Variants in DHRS4 observed in about 807,000 individuals in gnomAD.
DHRS4 encodes dehydrogenase/reductase SDR family member 4.
DHRS4 carries 20 observed loss-of-function variants against 28.4 expected under a neutral mutation model. That is an observed-to-expected ratio of 0.71 (90% CI 0.50 to 1.02). DHRS4 has a LOEUF of 1.02. DHRS4 is among the 50% of genes least tolerant of loss of function. The pLI, the probability that DHRS4 is intolerant of heterozygous loss-of-function variation, is 0.00. For missense variants in DHRS4, 378 were observed against 367.2 expected (o/e 1.03, Z -0.24); for synonymous variants, 144 against 146.4 (o/e 0.98, Z 0.12).
chr14:23,963,143 G>A (rs186405240), intron 3 of DHRS4, among the ~76,000 whole-genome samples: 9 of 108,290 alleles, frequency 8.3e-5, no homozygotes, highest in South Asian at 5.8e-4. Context: ...TAGATTTAGC[G>A]TAAATCTGAG....
intron 6 of DHRS4, among the ~76,000 whole-genome samples, 154 bp from the exon 7 acceptor site, chr14:23,967,057 A>G (rs917970848): frequency 6.6e-6 from 1 of 152,110 alleles, no homozygotes. Context: ...CGGGAGGCTG[A>G]GGCAGGAGAA....
At chr14:23,955,800 T>C (rs2033113093) in intron 2 of DHRS4, among the ~76,000 whole-genome samples, 1 of 152,228 alleles carries the variant, frequency 6.6e-6, no homozygotes, top group South Asian at 2.1e-4. Flanking sequence ...GCCTGTGGAC[T>C]ACCGGGTACT....
Position 23,960,020 on chromosome 14 carries a change from G to T in DHRS4, c.408+17G>T, listed in dbSNP as rs1566472524. ...TGGGACAAGGTGAGAGGGGATTAAAGCAGGGGGGCCGGGGGGGGCGCCTTG... is the reference window on the plus strand; with the variant it reads ...TGGGACAAGGTGAGAGGGGATTAAATCAGGGGGGCCGGGGGGGGCGCCTTG... On this transcript the variant is annotated intron_variant, in intron 3 of 7. Transcript: ENST00000313250. 6.3e-7 allele frequency: 1 copy of T among 1,593,378 alleles called. No homozygotes were observed. Among genetic ancestry groups the T allele is most frequent in the Non-Finnish European group, 8.5e-7 (1 of 1,172,584 alleles).
chr14:23,966,443 A>C (rs1405348487), intron 6 of DHRS4, 26 bp downstream of exon 6: 1 of 1,612,890 alleles, frequency 6.2e-7, no homozygotes, highest in Non-Finnish European at 8.5e-7. Flanking sequence ...TTTGCATTTG[A>C]CTGGGACCCC....
In DHRS4 at chr14:23,960,245, A is replaced by G. The variant is rs927013943; in HGVS notation, c.408+242A>G. Among the ~76,000 whole-genome samples, 26 of 151,970 alleles carry G rather than the reference A, an allele frequency of 1.7e-4. 1 individual carries two copies. The highest frequency in any genetic ancestry group is 5.8e-4 in the African/African-American group (24 of 41,286). On this transcript the variant is annotated intron_variant, in intron 3 of 7. Transcript: ENST00000313250. Reference sequence around the variant, plus strand: ...CTTCTATCTGCTCTTCACTAGCCACAGTCTGCTCCTCTCCCCAGGCTTTTT... The same window carrying G: ...CTTCTATCTGCTCTTCACTAGCCACGGTCTGCTCCTCTCCCCAGGCTTTTT...
chr14:23,955,915 C>G (rs2033120349), intron 2 of DHRS4, among the ~76,000 whole-genome samples: 1 of 152,234 alleles, frequency 6.6e-6, no homozygotes, highest in Admixed American at 6.5e-5. Context: ...AAGGAAGCTC[C>G]TCTTCCCTTG....
intron 2 of DHRS4, 62 bp from the exon 3 acceptor site, chr14:23,959,840 A>G (rs2033335754): frequency 1.0e-5 from 16 of 1,577,598 alleles, no homozygotes; most frequent in Middle Eastern, 1.7e-4. Flanking sequence ...TTTTATCAAC[A>G]TGGGTAAATG....
intron 1 of DHRS4, 150 bp downstream of exon 1, chr14:23,954,066 A>G: frequency 7.7e-7 from 1 of 1,293,522 alleles, no homozygotes; most frequent in South Asian, 1.5e-5. Flanking sequence ...GTCCGCCTGA[A>G]GCCACTCCGA....
At chr14:23,957,613 G>A (rs1003263706) in intron 2 of DHRS4, among the ~76,000 whole-genome samples, 165 of 150,194 alleles carry the variant, frequency 1.1e-3, no homozygotes, top group Non-Finnish European at 1.4e-3. Flanking sequence ...CTGCAGTGCA[G>A]TGACATGATC....
intron 2 of DHRS4, among the ~76,000 whole-genome samples, chr14:23,957,704 G>A (rs1286553892): frequency 6.7e-6 from 1 of 148,890 alleles, no homozygotes; most frequent in Admixed American, 6.8e-5. Context: ...CTATAGGCAT[G>A]CACCACCACA....
At position 23,960,030 on chromosome 14, in the gene DHRS4, C is replaced by CG. The variant is rs147353351; in HGVS notation, c.408+35dup. The CG allele has an allele frequency of 0.015, 15,692 of 1,034,726 alleles. 976 individuals are homozygous for CG. In the African/African-American group the frequency reaches 0.17, roughly 11 times the overall value. 64.1% of individuals were successfully genotyped at this position (1,034,726 alleles called of 1,614,324 possible). ...TGAGAGGGGATTAAAGCAGGGGGGCCGGGGGGGGCGCCTTGGAACACATTC... is the reference window on the plus strand; with the variant it reads ...TGAGAGGGGATTAAAGCAGGGGGGCCGGGGGGGGGCGCCTTGGAACACATTC... On this transcript the variant is annotated intron_variant, in intron 3 of 7. Transcript: ENST00000313250.
At chr14:23,953,996 C>T in intron 1 of DHRS4, 80 bp downstream of exon 1, 1 of 1,531,460 alleles carries the variant, frequency 6.5e-7, no homozygotes. Context: ...CCTCCGGTGC[C>T]CCTGTCCTCA....
At chr14:23,959,855 T>C (rs373169752) in intron 2 of DHRS4, 47 bp from the exon 3 acceptor site, 5 of 1,594,164 alleles carry the variant, frequency 3.1e-6, no homozygotes, top group Non-Finnish European at 3.4e-6. Context: ...TAAATGCACC[T>C]CCCTTACTTA....
chr14:23,964,313 AT>A (rs1454434832), intron 3 of DHRS4, among the ~76,000 whole-genome samples: 1 of 144,452 alleles, frequency 6.9e-6, no homozygotes, highest in Non-Finnish European at 1.5e-5. Context: ...TAATTTGTAT[AT>A]TTTTTAAACT....
chr14:23,957,266 G>A lies in DHRS4; in HGVS notation c.306+2054G>A, dbSNP rs548162567. On this transcript the variant is annotated intron_variant, in intron 2 of 7. Transcript: ENST00000313250. ...TAGTTTGTATGACCATTGTCAGAGA[G>A]GAGAATGATAGAATACTTGTCAGCA... Among the ~76,000 whole-genome samples the A allele has an allele frequency of 5.3e-5, 8 of 152,276 alleles. No individual in the cohort carries two copies. The South Asian group carries it at 1.0e-3, about 20-fold the overall frequency.
At chr14:23,963,535 T>C (rs1312127489) in intron 3 of DHRS4, among the ~76,000 whole-genome samples, 1 of 148,966 alleles carries the variant, frequency 6.7e-6, no homozygotes, top group Non-Finnish European at 1.5e-5. Flanking sequence ...CTCTCAGCCT[T>C]CAAAGAATTA....
At chr14:23,954,181 T>C in intron 1 of DHRS4, 1 of 438,636 alleles carries the variant, frequency 2.3e-6, no homozygotes. Context: ...TCCCCAGTGT[T>C]CTGGGCTGCC....
At chr14:23,963,758 T>C (rs2033506266) in intron 3 of DHRS4, among the ~76,000 whole-genome samples, 1 of 148,798 alleles carries the variant, frequency 6.7e-6, no homozygotes, top group Non-Finnish European at 1.5e-5. Flanking sequence ...GCACATGGTC[T>C]AACTTTCAGC....
At position 23,959,446 on chromosome 14, in the gene DHRS4, T is replaced by G. The variant is rs577740244; in HGVS notation, c.307-456T>G. Among the ~76,000 whole-genome samples, 3 of 152,138 alleles carry G rather than the reference T, an allele frequency of 2.0e-5. No individual in the cohort carries two copies. In the South Asian group the frequency reaches 6.2e-4, roughly 32 times the overall value. The stretch of plus-strand genomic sequence containing the variant: ...GGTGGCACGCACTTGTAGTCCCAAC[T>G]ACTTGGGGGGCTGAGCCAAGAGGAT... On this transcript the variant is annotated intron_variant, in intron 2 of 7. Coordinates refer to ENST00000313250, the MANE Select transcript of DHRS4 (RefSeq NM_021004.4).
Sources: gnomAD v4.1 joint callset for allele counts (sites outside exome capture counted in the v4.1 genomes callset) on GRCh38, gnomAD v4.1.1 for gene constraint, MANE v1.5 for transcripts, NCBI Gene and HGNC (gene_info 2026-07-23, HGNC 2026-07-21) for gene names.